TMEM170A: variants seen among roughly 807,000 people sequenced by gnomAD.
TMEM170A encodes the protein transmembrane protein 170A, also known as transmembrane protein 170.
In TMEM170A, 18 loss-of-function variants were observed where a neutral mutation model predicts 12.8. The observed-to-expected ratio is 1.41, with a 90% CI of 0.97 to 2.09. The LOEUF is 2.09. Ranked by LOEUF, TMEM170A falls within the 30% of genes most tolerant of loss-of-function variation. The pLI, the probability that TMEM170A is intolerant of heterozygous loss-of-function variation, is 0.00. For missense variants in TMEM170A, 220 were observed against 179.9 expected, an observed-to-expected ratio of 1.22 and a Z score of -1.28; for synonymous variants, 107 against 76.2, an observed-to-expected ratio of 1.40 and a Z score of -2.11.
At position 75,464,544 on chromosome 16, in the gene TMEM170A, G is replaced by A. The variant is rs1345912985; in HGVS notation, c.57C>T (p.Ile19=). ...SGGSAGLLQQ[I]LSLKVVPRVG... ...CCCGCGGCACAACCTTCAGGCTCAGGATCTGCTGCAGGAGCCCGGCCGACC... is the reference window on the plus strand; with the variant it reads ...CCCGCGGCACAACCTTCAGGCTCAGAATCTGCTGCAGGAGCCCGGCCGACC... The change falls in exon 1 of 3, where the codon ATC becomes ATT. Residue 19 remains isoleucine, a synonymous_variant. Transcript: ENST00000561878. 1 of 1,589,410 alleles carries A rather than the reference G, an allele frequency of 6.3e-7. No homozygotes were observed. Among genetic ancestry groups the A allele is most frequent in the African/African-American group, 1.4e-5 (1 of 72,072 alleles).
rs1281658601 is a variant in TMEM170A, at chr16:75,446,013, A to C, written c.*1545T>G. 4.6e-5 allele frequency: 7 copies of C among 152,034 alleles called. No individual in the cohort carries two copies. The highest frequency in any genetic ancestry group is 8.8e-5 in the Non-Finnish European group (6 of 68,008). 9.4% of individuals were successfully genotyped at this position (152,034 alleles called of 1,614,324 possible). ...CAAGATGGTGAAACCTATCTCTACT[A>C]AAAATACAAAAATTAGCCGGGCACG... is the stretch of plus-strand genomic sequence containing the variant. On this transcript the variant is annotated 3_prime_UTR_variant, in exon 3 of 3. Transcript: ENST00000561878.
chr16:75,448,453 A>G (rs1168659856), intron 2 of TMEM170A, among the ~76,000 whole-genome samples: 5 of 152,184 alleles, frequency 3.3e-5, no homozygotes, highest in Non-Finnish European at 5.9e-5. Context: ...GAAAGTTAAC[A>G]TTTCATTCGT....
chr16:75,463,380 G>A (rs895345806), intron 1 of TMEM170A, among the ~76,000 whole-genome samples: 1 of 151,770 alleles, frequency 6.6e-6, no homozygotes, highest in Non-Finnish European at 1.5e-5. Context: ...GACCACAAGC[G>A]AACATCTGCA....
rs775586289 is a variant in TMEM170A, at chr16:75,464,491, G to A, written c.110C>T (p.Ser37Phe). 3.2e-6 allele frequency: 5 copies of A among 1,572,536 alleles called. No individual in the cohort carries two copies. The change falls in exon 1 of 3, where the codon TCT becomes TTT. Residue 37 changes from serine to phenylalanine, a missense_variant. Coordinates refer to ENST00000561878, the MANE Select transcript of TMEM170A (RefSeq NM_145254.3). ...ACCTGGGAAGGAGCAGAGGGAAGTA[G>A]AGTTGGGGCACAGGGTCCCGTTGCC... Reference protein sequence around the residue: ...RVGNGTLCPNSTSLCSFPEMW... With the variant: ...RVGNGTLCPNFTSLCSFPEMW...
At position 75,446,560 on chromosome 16, in the gene TMEM170A, A is replaced by G. The variant is rs2079589720; in HGVS notation, c.*998T>C. 6.6e-6 allele frequency: 1 copy of G among 152,206 alleles called. No homozygotes were observed. The highest frequency in any genetic ancestry group is 1.5e-5 in the Non-Finnish European group (1 of 68,024). The allele number at this position is 152,206 out of a possible 1,614,324, so 9.4% of individuals were successfully genotyped here. ...ACCCAATACTGTAAAAGTGGGCTGA[A>G]GAGTTACCACTAGGTAAACACATTA... On this transcript the variant is annotated 3_prime_UTR_variant, in exon 3 of 3. Coordinates refer to ENST00000561878, the MANE Select transcript of TMEM170A (RefSeq NM_145254.3).
In TMEM170A at chr16:75,451,744, T is replaced by A; in HGVS notation, c.229A>T (p.Lys77Ter). The change falls in exon 2 of 3, where the codon AAA (lysine) becomes TAA (stop). Residue 77 changes from lysine (K) to a stop codon, truncating the protein, a stop_gained. Coordinates refer to ENST00000561878, the MANE Select transcript of TMEM170A (RefSeq NM_145254.3). LOFTEE classifies it high-confidence loss of function. ...CTTACAGACATGAACCTACCATATTTGTGATGTCTGAGGGTGAAGAGGGCC... is the reference window on the plus strand; with the variant it reads ...CTTACAGACATGAACCTACCATATTAGTGATGTCTGAGGGTGAAGAGGGCC... ...LLALFTLRHH[K>*]YGRFMSVSIL... The A allele has an allele frequency of 6.2e-7, 1 of 1,614,112 alleles. No individual in the cohort carries two copies. Among genetic ancestry groups the A allele is most frequent in the African/African-American group, 1.3e-5 (1 of 75,022 alleles).
In TMEM170A at chr16:75,447,542, A is replaced by G. The variant is rs200118018; in HGVS notation, c.*16T>C. The G allele has an allele frequency of 1.3e-6, 2 of 1,589,942 alleles. No individual in the cohort carries two copies. Among genetic ancestry groups the G allele is most frequent in the African/African-American group, 2.7e-5 (2 of 73,338 alleles). ...CCATAAAGTTTAAGTTCAACATCTC[A>G]GCATAAGGATGTATGCTATAGAGTA... On this transcript the variant is annotated 3_prime_UTR_variant, in exon 3 of 3. Transcript: ENST00000561878.
intron 1 of TMEM170A, among the ~76,000 whole-genome samples, chr16:75,452,987 C>T (rs1379042341): frequency 6.6e-6 from 1 of 152,126 alleles, no homozygotes; most frequent in Middle Eastern, 3.2e-3. Flanking sequence ...CTTCCAGCTT[C>T]AAGGGCAAAG....
intron 1 of TMEM170A, among the ~76,000 whole-genome samples, chr16:75,453,443 C>A (rs527466956): frequency 6.6e-6 from 1 of 152,024 alleles, no homozygotes; most frequent in African/African-American, 2.4e-5. Flanking sequence ...AAAAACTCCC[C>A]CAAAAACCAA....
chr16:75,460,251 C>G (rs1597454394), intron 1 of TMEM170A, among the ~76,000 whole-genome samples: 1 of 151,660 alleles, frequency 6.6e-6, no homozygotes, highest in East Asian at 1.9e-4. Context: ...CAGGATGATG[C>G]AAATATTCTC....
Position 75,443,080 on chromosome 16 carries a change from C to G in TMEM170A, c.*4478G>C, listed in dbSNP as rs1001716139. 3.3e-5 allele frequency: 5 copies of G among 152,040 alleles called. No homozygotes were observed. The highest frequency in any genetic ancestry group is 1.2e-4 in the African/African-American group (5 of 41,368). The allele number at this position is 152,040 out of a possible 1,614,324, so 9.4% of individuals were successfully genotyped here. A position where few individuals can be genotyped will look rare whatever the true frequency, so the allele number is the denominator to read the frequency against. On this transcript the variant is annotated 3_prime_UTR_variant, in exon 3 of 3. Transcript: ENST00000561878. ...TCACATGTTAAGTACGGTTTAATCA[C>G]AACTTTGAACAAGAATTTTATCATA...
intron 1 of TMEM170A, among the ~76,000 whole-genome samples, chr16:75,462,822 T>C (rs2079930912): frequency 6.6e-6 from 1 of 152,188 alleles, no homozygotes; most frequent in Non-Finnish European, 1.5e-5. Flanking sequence ...TGGGGAAATG[T>C]AAACAAGGCC....
chr16:75,447,809 A>T (rs1368071617), intron 2 of TMEM170A, 121 bp from the exon 3 acceptor site: 1 of 1,163,506 alleles, frequency 8.6e-7, no homozygotes, highest in Non-Finnish European at 1.2e-6. Flanking sequence ...CTGAAATTTA[A>T]ATCTTACAGA....
chr16:75,460,999 T>A (rs974574694), intron 1 of TMEM170A, among the ~76,000 whole-genome samples: 6 of 152,164 alleles, frequency 3.9e-5, no homozygotes, highest in Non-Finnish European at 8.8e-5. Context: ...TTGTTAAAAA[T>A]GACAACAATA....
chr16:75,463,829 G>A (rs2079947877), intron 1 of TMEM170A, among the ~76,000 whole-genome samples: 1 of 152,246 alleles, frequency 6.6e-6, no homozygotes, highest in African/African-American at 2.4e-5. Flanking sequence ...TCAAGCCGCA[G>A]CGGGGAGGAA....
chr16:75,451,287 C>T (rs565039617), intron 2 of TMEM170A: 6 of 277,818 alleles, frequency 2.2e-5, no homozygotes, highest in African/African-American at 6.6e-5. Context: ...CAGTGGCTCA[C>T]GCCTGTAATC....
intron 1 of TMEM170A, among the ~76,000 whole-genome samples, chr16:75,461,598 T>C (rs1323592121): frequency 6.6e-6 from 1 of 152,210 alleles, no homozygotes; most frequent in African/African-American, 2.4e-5. Flanking sequence ...GATTTTGGTG[T>C]CTCAAATAGG....
rs2079532002 is a variant in TMEM170A at position 75,443,299 on chromosome 16, A to G, written c.*4259T>C. 1.3e-5 allele frequency: 2 copies of G among 152,264 alleles called. No individual in the cohort carries two copies. Among genetic ancestry groups the G allele is most frequent in the Admixed American group, 6.5e-5 (1 of 15,282 alleles). 9.4% of individuals were successfully genotyped at this position (152,264 alleles called of 1,614,324 possible). On this transcript the variant is annotated 3_prime_UTR_variant, in exon 3 of 3. Transcript: ENST00000561878. ...ACACTAGAATTAGAAATGTCAGTAGAAAAATAAAATTTAAATAATTTTCTA... is the reference window on the plus strand; with the variant it reads ...ACACTAGAATTAGAAATGTCAGTAGGAAAATAAAATTTAAATAATTTTCTA...
Position 75,445,114 on chromosome 16 carries a change from G to A in TMEM170A, c.*2444C>T, listed in dbSNP as rs1204168511. 6.6e-6 allele frequency: 1 copy of A among 152,102 alleles called. No homozygotes were observed. Among genetic ancestry groups the A allele is most frequent in the Non-Finnish European group, 1.5e-5 (1 of 68,016 alleles). 9.4% of individuals were successfully genotyped at this position (152,102 alleles called of 1,614,324 possible). ...CATAAGAAAAGTTACCAATTCCCCA[G>A]ATTTCTTAAACTGAAGGGATACTTT... On this transcript the variant is annotated 3_prime_UTR_variant, in exon 3 of 3. Coordinates refer to ENST00000561878, the MANE Select transcript of TMEM170A (RefSeq NM_145254.3).
Sources: gnomAD v4.1 joint callset for allele counts (sites outside exome capture counted in the v4.1 genomes callset) on GRCh38, gnomAD v4.1.1 for gene constraint, MANE v1.5 for transcripts, NCBI Gene and HGNC (gene_info 2026-07-23, HGNC 2026-07-21) for gene names.